Variants in NAV3 observed in about 807,000 individuals in gnomAD.
NAV3 encodes the protein pore membrane and/or filament interacting like protein 1.
Under a neutral mutation model 244.7 loss-of-function variants are expected in NAV3, and 87 were observed. The ratio of observed to expected loss-of-function variants is 0.36; its 90% CI spans 0.30 to 0.42. The LOEUF (loss-of-function observed/expected upper bound fraction) is 0.42. NAV3 is among the 20% of genes least tolerant of loss of function. The pLI is 1.00. For missense variants in NAV3, 2,663 were observed against 2,893.3 expected (o/e 0.92, Z 1.83); for synonymous variants, 1,126 against 1,042.2 (o/e 1.08, Z -1.55).
intron 3 of NAV3, among the ~76,000 whole-genome samples, chr12:77,961,453 T>C (rs1891976205): frequency 8.5e-6 from 1 of 117,812 alleles, no homozygotes; most frequent in Non-Finnish European, 1.7e-5. Flanking sequence ...ACATGTAATA[T>C]ATGTATATAT....
At chr12:77,837,426 G>A (rs7968053) in intron 1 of NAV3, among the ~76,000 whole-genome samples, 1 of 151,990 alleles carries the variant, frequency 6.6e-6, no homozygotes, top group Non-Finnish European at 1.5e-5. Context: ...TTAACCAATG[G>A]TTAGAGAATG....
intron 2 of NAV3, among the ~76,000 whole-genome samples, chr12:77,649,848 G>A (rs1325653973): frequency 6.6e-6 from 1 of 151,892 alleles, no homozygotes; most frequent in African/African-American, 2.4e-5. Flanking sequence ...TTTATACTTT[G>A]CAATAGTTTT....
At chr12:77,731,082 C>T (rs1430320989) in intron 2 of NAV3, among the ~76,000 whole-genome samples, 1 of 151,834 alleles carries the variant, frequency 6.6e-6, no homozygotes, top group Non-Finnish European at 1.5e-5. Context: ...ACTTGTGGTT[C>T]ATCAAACTAA....
chr12:77,843,365 C>T (rs1876032396), intron 1 of NAV3, among the ~76,000 whole-genome samples: 1 of 151,742 alleles, frequency 6.6e-6, no homozygotes, highest in African/African-American at 2.4e-5. Context: ...CACTGTGGAC[C>T]CCAGGTAACT....
intron 2 of NAV3, among the ~76,000 whole-genome samples, chr12:77,642,372 A>G (rs936978128): frequency 6.6e-6 from 1 of 152,090 alleles, no homozygotes; most frequent in East Asian, 1.9e-4. Flanking sequence ...GACTCCTTCA[A>G]TCAGCCACAT....
At chr12:78,054,748 A>G (rs769668724) in intron 11 of NAV3, among the ~76,000 whole-genome samples, 4 of 152,186 alleles carry the variant, frequency 2.6e-5, no homozygotes, top group Non-Finnish European at 5.9e-5. Context: ...TACCTACATC[A>G]TAAGCACAGG....
chr12:77,580,222 ACACACACACACAC>A (rs1565723069), intron 2 of NAV3, among the ~76,000 whole-genome samples: 7 of 53,766 alleles, frequency 1.3e-4, no homozygotes, highest in African/African-American at 4.9e-4. Flanking sequence ...GGGTGGGAAC[ACACACACACACAC>A]ACACACACAC....
chr12:77,573,682 T>A (rs975095453), intron 2 of NAV3, among the ~76,000 whole-genome samples: 4 of 152,176 alleles, frequency 2.6e-5, no homozygotes, highest in African/African-American at 9.7e-5. Flanking sequence ...CCTATCTACA[T>A]TTTTATAACG....
At chr12:77,923,681 G>T (rs760721446) in intron 1 of NAV3, among the ~76,000 whole-genome samples, 1 of 151,968 alleles carries the variant, frequency 6.6e-6, no homozygotes. Context: ...ATAAAAAAAA[G>T]GTTATATGAA....
At chr12:77,762,528 G>A (rs886815757) in intron 2 of NAV3, among the ~76,000 whole-genome samples, 16 of 152,012 alleles carry the variant, frequency 1.1e-4, no homozygotes, top group Admixed American at 2.0e-4. Context: ...GCTTGAACCC[G>A]GGAGGCGGAG....
chr12:77,874,383 TAATTTTTTTTA>T (rs1881534372), intron 1 of NAV3, among the ~76,000 whole-genome samples: 1 of 151,932 alleles, frequency 6.6e-6, no homozygotes, highest in Non-Finnish European at 1.5e-5. Context: ...CATCCTCAGC[TAATTTTTTTTA>T]AATTTTTTAT....
intron 2 of NAV3, among the ~76,000 whole-genome samples, chr12:77,647,041 A>G (rs1872631292): frequency 6.8e-6 from 1 of 147,000 alleles, no homozygotes; most frequent in Non-Finnish European, 1.5e-5. Context: ...ACATATATAC[A>G]TGGTGTATGT....
At chr12:77,918,154 T>C (rs1482280187) in intron 1 of NAV3, among the ~76,000 whole-genome samples, 2 of 152,100 alleles carry the variant, frequency 1.3e-5, no homozygotes, top group Non-Finnish European at 2.9e-5. Flanking sequence ...ACTGTGATAT[T>C]ACACTCTTCC....
chr12:77,675,026 C>G (rs1300842712), intron 2 of NAV3, among the ~76,000 whole-genome samples: 2 of 152,116 alleles, frequency 1.3e-5, no homozygotes, highest in East Asian at 1.9e-4. Flanking sequence ...TAGGTGAGAA[C>G]TGAAAGGATA....
At chr12:78,166,162 A>G (rs1957773406) in intron 23 of NAV3, among the ~76,000 whole-genome samples, 1 of 151,860 alleles carries the variant, frequency 6.6e-6, no homozygotes. Context: ...GCACATTTTC[A>G]CTTTTTTTCT....
At chr12:77,942,376 AAAATAAAT>A (rs373926380) in intron 3 of NAV3, among the ~76,000 whole-genome samples, 1 of 151,900 alleles carries the variant, frequency 6.6e-6, no homozygotes, top group Non-Finnish European at 1.5e-5. Context: ...CTGTCTCGAA[AAAATAAAT>A]AAATAAATAA....
chr12:77,620,673 G>A (rs1465514583), intron 2 of NAV3, among the ~76,000 whole-genome samples: 1 of 151,974 alleles, frequency 6.6e-6, no homozygotes, highest in East Asian at 1.9e-4. Context: ...TGTTGTCCAG[G>A]CTGGTCTTGA....
intron 28 of NAV3, 138 bp downstream of exon 28, chr12:78,177,823 T>A: frequency 2.5e-6 from 2 of 812,422 alleles, no homozygotes; most frequent in Non-Finnish European, 3.7e-6. Flanking sequence ...CAACTAAAAT[T>A]TGGTTTCCTA....
chr12:77,843,937 A>G (rs1244520279), intron 1 of NAV3, among the ~76,000 whole-genome samples: 2 of 152,236 alleles, frequency 1.3e-5, no homozygotes, highest in Admixed American at 6.5e-5. Flanking sequence ...ACACTAGAAA[A>G]GGATAAAGCT....
Sources: allele counts gnomAD v4.1 joint callset (sites outside exome capture counted in the v4.1 genomes callset), GRCh38; gene constraint gnomAD v4.1.1; transcripts MANE v1.5; gene names NCBI Gene and HGNC (gene_info 2026-07-23, HGNC 2026-07-21).